The following HAPLN1 variants were observed in gnomAD, a reference collection of about 807,000 sequenced individuals.
HAPLN1 encodes the protein hyaluronan and proteoglycan link protein 1, also known as Cartilage link protein.
Under a neutral mutation model 36.5 loss-of-function variants are expected in HAPLN1, and 13 were observed. The ratio of observed to expected loss-of-function variants is 0.36; its 90% CI spans 0.23 to 0.57. The LOEUF (loss-of-function observed/expected upper bound fraction) is 0.57. Among genes scored for constraint, HAPLN1 ranks in the 20% least tolerant of loss-of-function variants. The pLI is 0.83. For synonymous variants in HAPLN1, 202 were observed against 169.8 expected (o/e 1.19, Z -1.48); for missense variants, 407 against 439.7 (o/e 0.93, Z 0.66).
intron 3 of HAPLN1, chr5:83,652,221 G>T (rs919291187): frequency 2.3e-6 from 1 of 438,374 alleles, no homozygotes; most frequent in South Asian, 7.6e-5. Flanking sequence ...TCCACTGCAC[G>T]TTTCTCCTAG....
intron 1 of HAPLN1, among the ~76,000 whole-genome samples, chr5:83,681,645 G>A (rs12153414): frequency 0.27 from 41,309 of 151,854 alleles, 6,423 homozygotes; most frequent in East Asian, 0.41. Flanking sequence ...CAAGTAGCTG[G>A]GACCACAGCC....
chr5:83,659,689 A>G (rs1241146848), intron 2 of HAPLN1, among the ~76,000 whole-genome samples: 2 of 152,138 alleles, frequency 1.3e-5, no homozygotes, highest in Non-Finnish European at 2.9e-5. Flanking sequence ...TAATTATACT[A>G]TATTATTATA....
intron 2 of HAPLN1, among the ~76,000 whole-genome samples, chr5:83,668,424 C>A (rs2112591111): frequency 6.6e-6 from 1 of 152,286 alleles, no homozygotes; most frequent in South Asian, 2.1e-4. Flanking sequence ...ACAAGCAATG[C>A]AAAGCTCTGA....
chr5:83,705,614 C>T (rs150381320), intron 1 of HAPLN1, among the ~76,000 whole-genome samples: 1,859 of 151,994 alleles, frequency 0.012, 10 homozygotes, highest in Non-Finnish European at 0.021. Context: ...TTTCTCACAT[C>T]AAAAAGTTGG....
intron 1 of HAPLN1, among the ~76,000 whole-genome samples, chr5:83,692,790 G>T (rs1029830529): frequency 6.6e-6 from 1 of 151,762 alleles, no homozygotes; most frequent in Admixed American, 6.6e-5. Context: ...ATGAATGTAC[G>T]GTGGGGTTTT....
intron 1 of HAPLN1, among the ~76,000 whole-genome samples, chr5:83,682,855 G>T (rs1030524668): frequency 6.6e-6 from 1 of 151,958 alleles, no homozygotes; most frequent in Non-Finnish European, 1.5e-5. Context: ...GATCTTTGAA[G>T]GTGTTTTTTA....
At chr5:83,706,402 C>A (rs1437760637) in intron 1 of HAPLN1, among the ~76,000 whole-genome samples, 1 of 152,176 alleles carries the variant, frequency 6.6e-6, no homozygotes, top group African/African-American at 2.4e-5. Flanking sequence ...AGGCTTTATA[C>A]CCACGATTTA....
At chr5:83,648,520 T>C (rs1468243548) in intron 3 of HAPLN1, among the ~76,000 whole-genome samples, 2 of 149,040 alleles carry the variant, frequency 1.3e-5, no homozygotes, top group Non-Finnish European at 1.5e-5. Flanking sequence ...AAGCTTGTAA[T>C]ACAAATAGGA....
At chr5:83,661,089 G>T (rs558581842) in intron 2 of HAPLN1, among the ~76,000 whole-genome samples, 1 of 152,076 alleles carries the variant, frequency 6.6e-6, no homozygotes, top group South Asian at 2.1e-4. Context: ...CTTGAGGATC[G>T]CCTAATCTAG....
chr5:83,709,946 G>C (rs1751739073), intron 1 of HAPLN1, among the ~76,000 whole-genome samples: 1 of 152,218 alleles, frequency 6.6e-6, no homozygotes, highest in African/African-American at 2.4e-5. Context: ...TCCATAGGAT[G>C]ACTCCTATGT....
chr5:83,655,518 G>C (rs1013618818), intron 2 of HAPLN1, among the ~76,000 whole-genome samples: 15 of 41,654 alleles, frequency 3.6e-4, no homozygotes, highest in Non-Finnish European at 7.5e-4. Flanking sequence ...TCACTTTGGG[G>C]TGTGTGTGTG....
chr5:83,644,643 T>C lies in HAPLN1; in HGVS notation c.495A>G (p.Pro165=), dbSNP rs1580117091. ...DLQGVVFPYF[P]RLGRYNLNFH... ...AATTGAGATTGTAGCGCCCCAGTCG[T>C]GGAAAGTAAGGGAATACCACACCTG... The change falls in exon 4 of 5, where the codon CCA becomes CCG. Residue 165 remains proline (P), a synonymous_variant. Transcript: ENST00000274341. The C allele has an allele frequency of 5.4e-6, 8 of 1,478,922 alleles. No individual in the cohort carries two copies. The highest frequency in any genetic ancestry group is 7.2e-6 in the Non-Finnish European group (8 of 1,111,090). 91.6% of individuals were successfully genotyped at this position (1,478,922 alleles called of 1,614,324 possible). A position where few individuals can be genotyped will look rare whatever the true frequency, so the allele number is the denominator to read the frequency against.
At position 83,695,503 on chromosome 5, in the gene HAPLN1, C is replaced by G. The variant is rs550121018; in HGVS notation, c.-26-21954G>C. Among the ~76,000 whole-genome samples the G allele has an allele frequency of 5.3e-5, 8 of 150,890 alleles. No homozygotes were observed. In the East Asian group the frequency reaches 1.4e-3, roughly 26 times the overall value. ...CTCAACAGATAAAACAGATAGATCA[C>G]TAAATAGATTTATATATATATACAT... On this transcript the variant is annotated intron_variant, in intron 1 of 4. Coordinates refer to ENST00000274341, the MANE Select transcript of HAPLN1 (RefSeq NM_001884.4).
At chr5:83,651,378 G>A (rs1054034496) in intron 3 of HAPLN1, among the ~76,000 whole-genome samples, 2 of 152,028 alleles carry the variant, frequency 1.3e-5, no homozygotes, top group Non-Finnish European at 2.9e-5. Context: ...CTTCCATCCT[G>A]AATAATGCCA....
At chr5:83,719,897 A>T (rs1751984944) in intron 1 of HAPLN1, among the ~76,000 whole-genome samples, 1 of 152,224 alleles carries the variant, frequency 6.6e-6, no homozygotes, top group South Asian at 2.1e-4. Context: ...TTATGACATC[A>T]CACTGGAACA....
chr5:83,718,084 CCTGT>C (rs1220972331), intron 1 of HAPLN1, among the ~76,000 whole-genome samples: 1 of 152,170 alleles, frequency 6.6e-6, no homozygotes, highest in Non-Finnish European at 1.5e-5. Context: ...AATTCCATGA[CCTGT>C]CTGTCTAAAA....
intron 2 of HAPLN1, among the ~76,000 whole-genome samples, chr5:83,664,041 G>T (rs336950): frequency 0.34 from 51,966 of 151,896 alleles, 9,085 homozygotes; most frequent in East Asian, 0.55. Context: ...TTGGAATAAA[G>T]TCTGAACTCT....
intron 3 of HAPLN1, among the ~76,000 whole-genome samples, chr5:83,651,466 T>C (rs576586320): frequency 6.6e-6 from 1 of 152,308 alleles, no homozygotes; most frequent in South Asian, 2.1e-4. Context: ...GAACTACCTA[T>C]GAGAGACAAC....
Position 83,644,491 on chromosome 5 carries a change from T to C in HAPLN1, c.647A>G (p.Gln216Arg), listed in dbSNP as rs1749793963. The change falls in exon 4 of 5, where the codon CAA becomes CGA. Residue 216 changes from glutamine to arginine, a missense_variant. Physicochemically the swap from Gln to Arg is conservative, Grantham distance 43. Transcript: ENST00000274341. The part of the protein sequence containing the change: ...NAGWLSDGSV[Q>R]YPITKPREPC... ...CTCTCTGGGCTTTGTGATGGGATAT[T>C]GCACAGAGCCATCACTGAGCCAGCC... is the stretch of plus-strand genomic sequence containing the variant. The C allele has an allele frequency of 1.2e-6, 2 of 1,612,508 alleles. No individual in the cohort carries two copies. The highest frequency in any genetic ancestry group is 1.7e-5 in the Admixed American group (1 of 59,778).
Sources: gnomAD v4.1 joint callset for allele counts (sites outside exome capture counted in the v4.1 genomes callset) on GRCh38, gnomAD v4.1.1 for gene constraint, MANE v1.5 for transcripts, NCBI Gene and HGNC (gene_info 2026-07-23, HGNC 2026-07-21) for gene names.